HPN: variants seen among roughly 807,000 people sequenced by gnomAD.
HPN encodes the protein hepsin.
A neutral mutation model predicts 55.9 loss-of-function variants in HPN; 13 were observed. That is an observed-to-expected ratio of 0.23 (90% confidence interval 0.15 to 0.37). HPN has a LOEUF of 0.37. Among genes scored for constraint, HPN ranks in the 10% least tolerant of loss-of-function variants. The pLI is 1.00. For synonymous variants in HPN, 225 were observed against 240.3 expected (o/e 0.94, Z 0.59); for missense variants, 451 against 575.8 (o/e 0.78, Z 2.22).
At chr19:35,045,627 T>C (rs1012627768) in intron 2 of HPN, among the ~76,000 whole-genome samples, 1 of 151,666 alleles carries the variant, frequency 6.6e-6, no homozygotes, top group Non-Finnish European at 1.5e-5. Flanking sequence ...GCTGCTGGGA[T>C]CAAAGAATTG....
chr19:35,042,872 A>G (rs1427259290), intron 2 of HPN, among the ~76,000 whole-genome samples: 1 of 152,154 alleles, frequency 6.6e-6, no homozygotes, highest in Non-Finnish European at 1.5e-5. Flanking sequence ...AGTGAAACAC[A>G]CAGGCTTGCA....
Position 35,043,551 on chromosome 19 carries a change from G to T in HPN, c.16+1029G>T, listed in dbSNP as rs138827918. Among the ~76,000 whole-genome samples the T allele has an allele frequency of 1.4e-3, 210 of 152,348 alleles. 2 individuals carry two copies. Among genetic ancestry groups the T allele is most frequent in the African/African-American group, 4.7e-3 (197 of 41,578 alleles). On this transcript the variant is annotated intron_variant, in intron 2 of 12. Transcript: ENST00000672452. ...AGGGTGACAGTGCATGTCCAACAGCGTGGGGCGAGGCCTGAAATGCCAGGA... is the reference window on the plus strand; with the variant it reads ...AGGGTGACAGTGCATGTCCAACAGCTTGGGGCGAGGCCTGAAATGCCAGGA...
chr19:35,064,514 GTGCT>G (rs1055296965), intron 9 of HPN, among the ~76,000 whole-genome samples: 20 of 151,854 alleles, frequency 1.3e-4, no homozygotes, highest in African/African-American at 4.6e-4. Flanking sequence ...TGTAATCCCA[GTGCT>G]TTGGGAGGCT....
chr19:35,060,602 C>T (rs768888027), intron 8 of HPN, 25 bp from the exon 9 acceptor site: 119 of 1,612,724 alleles, frequency 7.4e-5, no homozygotes, highest in Non-Finnish European at 9.7e-5. Flanking sequence ...GGCAGGTGGC[C>T]ACCCTCCACC....
At chr19:35,042,737 C>A (rs998991364) in intron 2 of HPN, among the ~76,000 whole-genome samples, 1 of 152,148 alleles carries the variant, frequency 6.6e-6, no homozygotes, top group Admixed American at 6.5e-5. Context: ...CCTATGTGAC[C>A]TTCCTGGCGT....
At chr19:35,058,875 A>T (rs1202066118) in intron 4 of HPN, among the ~76,000 whole-genome samples, 1 of 152,170 alleles carries the variant, frequency 6.6e-6, no homozygotes, top group African/African-American at 2.4e-5. Flanking sequence ...AAAAAATACA[A>T]TAATAAAATA....
intron 4 of HPN, among the ~76,000 whole-genome samples, chr19:35,052,869 A>T: frequency 6.6e-6 from 1 of 152,208 alleles, no homozygotes; most frequent in South Asian, 2.1e-4. Context: ...CTAGAGAGTC[A>T]TGGGCCTCCA....
At chr19:35,055,652 G>A (rs2064447548) in intron 4 of HPN, among the ~76,000 whole-genome samples, 1 of 136,420 alleles carries the variant, frequency 7.3e-6, no homozygotes, top group African/African-American at 2.8e-5. Flanking sequence ...CCCCCACCCT[G>A]CTCCAGCCCC....
chr19:35,048,080 G>GAAAGAAAGAAAGAA (rs1555722997), intron 2 of HPN, among the ~76,000 whole-genome samples: 62 of 36,486 alleles, frequency 1.7e-3, no homozygotes, highest in Admixed American at 4.9e-3. Context: ...AAGAAAGAAA[G>GAAAGAAAGAAAGAA]AAAAGGAAGG....
intron 2 of HPN, among the ~76,000 whole-genome samples, chr19:35,044,369 T>TG (rs1283446815): frequency 1.3e-5 from 2 of 152,016 alleles, no homozygotes; most frequent in Non-Finnish European, 2.9e-5. Context: ...TCTGGGAAGC[T>TG]GGGAGGTGAC....
At chr19:35,043,158 G>A (rs1229081373) in intron 2 of HPN, among the ~76,000 whole-genome samples, 1 of 152,200 alleles carries the variant, frequency 6.6e-6, no homozygotes, top group Non-Finnish European at 1.5e-5. Flanking sequence ...TGGCTCTGTG[G>A]GCAAAAGAGC....
At chr19:35,045,173 TG>T (rs1464622475) in intron 2 of HPN, among the ~76,000 whole-genome samples, 3 of 151,844 alleles carry the variant, frequency 2.0e-5, no homozygotes, top group African/African-American at 7.3e-5. Flanking sequence ...GGTCTAGGGC[TG>T]GGGACAGAGG....
At chr19:35,051,066 G>T (rs2064400683) in intron 4 of HPN, among the ~76,000 whole-genome samples, 1 of 150,748 alleles carries the variant, frequency 6.6e-6, no homozygotes, top group Non-Finnish European at 1.5e-5. Context: ...ATAGGCTAAT[G>T]CCACCATGCC....
chr19:35,059,574 A>G lies in HPN; in HGVS notation c.161-99A>G, dbSNP rs1404029340. The stretch of plus-strand genomic sequence containing the variant: ...ATGGGCTGGGGTTCACGTCTACACC[A>G]CATGGCTGGAGCACAGGCCAGGAGG... On this transcript the variant is annotated intron_variant, in intron 4 of 12. Coordinates refer to ENST00000672452, the MANE Select transcript of HPN (RefSeq NM_001384133.1). The G allele has an allele frequency of 6.4e-5, 94 of 1,464,292 alleles. No individual in the cohort carries two copies. The East Asian group carries it at 2.1e-3, about 33-fold the overall frequency. 90.7% of individuals were successfully genotyped at this position (1,464,292 alleles called of 1,614,324 possible). A position where few individuals can be genotyped will look rare whatever the true frequency, so the allele number is the denominator to read the frequency against.
Position 35,041,789 on chromosome 19 carries a change from G to A in HPN, c.-138G>A. The A allele has an allele frequency of 7.5e-7, 1 of 1,325,716 alleles. No individual in the cohort carries two copies. The highest frequency in any genetic ancestry group is 9.9e-7 in the Non-Finnish European group (1 of 1,010,486). 82.1% of individuals were successfully genotyped at this position (1,325,716 alleles called of 1,614,324 possible). A position where few individuals can be genotyped will look rare whatever the true frequency, so the allele number is the denominator to read the frequency against. ...CCTCCAGGCCGCCCGCTGCTGCGGG[G>A]CCACCATGCTCCTGCCCAGGCCTGG... On this transcript the variant is annotated 5_prime_UTR_variant, in exon 1 of 13. Transcript: ENST00000672452.
Position 35,065,286 on chromosome 19 carries a change from A to G in HPN, c.848A>G (p.Gln283Arg), listed in dbSNP as rs767221428. The change falls in exon 10 of 13, where the codon CAG becomes CGG. Residue 283 changes from glutamine (Q) to arginine (R), a missense_variant. Physicochemically the swap from Gln to Arg is conservative, Grantham distance 43. This residue lies in a region of HPN where 378 missense variants were observed against 445.5 expected (regional missense o/e 0.85). Transcript: ENST00000672452. ...CCTGTGTGCCTCCCAGCTGCCGGCC[A>G]GGCCCTGGTGGATGGCAAGATCTGT... ...IQPVCLPAAG[Q>R]ALVDGKICTV... 1 of 1,614,016 alleles carries G rather than the reference A, an allele frequency of 6.2e-7. No individual in the cohort carries two copies. Among genetic ancestry groups the G allele is most frequent in the Non-Finnish European group, 8.5e-7 (1 of 1,179,928 alleles).
At chr19:35,062,418 T>TA (rs55726903) in intron 9 of HPN, among the ~76,000 whole-genome samples, 128,876 of 152,132 alleles carry the variant, frequency 0.85, 55,802 homozygotes, top group Non-Finnish European at 0.93. Context: ...GAAAATGTGT[T>TA]AAAAATGAAT....
chr19:35,065,148 G>A, intron 9 of HPN, 102 bp from the exon 10 acceptor site: 1 of 723,960 alleles, frequency 1.4e-6, no homozygotes. Context: ...TTAAAGAACA[G>A]AGAGGGCAGG....
intron 4 of HPN, 148 bp from the exon 5 acceptor site, chr19:35,059,525 A>AG: frequency 1.0e-6 from 1 of 974,442 alleles, no homozygotes. Context: ...ATGCAATCGC[A>AG]GATGTGGGGG....
Sources: allele counts gnomAD v4.1 joint callset (sites outside exome capture counted in the v4.1 genomes callset), GRCh38; gene constraint gnomAD v4.1.1; regional missense constraint gnomAD v4.1.1; transcripts MANE v1.5; gene names NCBI Gene and HGNC (gene_info 2026-07-23, HGNC 2026-07-21).